Variants in UACA observed in about 807,000 individuals in gnomAD.
UACA encodes the protein nuclear membrane binding protein.
In UACA, 112 loss-of-function variants were observed where a neutral mutation model predicts 160.5. The observed-to-expected ratio is 0.70, with a 90% CI of 0.60 to 0.82. The LOEUF is 0.82. UACA is among the 40% of genes least tolerant of loss of function. The pLI is 0.00. For missense variants in UACA, 1,574 were observed against 1,614.6 expected, an observed-to-expected ratio of 0.97 and a Z score of 0.43; for synonymous variants, 557 against 568.4, an observed-to-expected ratio of 0.98 and a Z score of 0.29.
Position 70,691,369 on chromosome 15 carries a change from A to G in UACA, c.302-6T>C. On this transcript the variant is annotated splice_polypyrimidine_tract_variant and splice_region_variant and intron_variant, in intron 3 of 18. Coordinates refer to ENST00000322954, the MANE Select transcript of UACA (RefSeq NM_018003.4). ...CAGGTGAAGAGCATTTCTCCCTATA[A>G]ATAATTTAAGATACATGTGAAGGAT... 1 of 1,599,908 alleles carries G rather than the reference A, an allele frequency of 6.3e-7. No individual in the cohort carries two copies. The highest frequency in any genetic ancestry group is 8.5e-7 in the Non-Finnish European group (1 of 1,171,002).
At chr15:70,684,196 T>C in intron 8 of UACA, 69 bp downstream of exon 8, 2 of 1,371,790 alleles carry the variant, frequency 1.5e-6, no homozygotes, top group Non-Finnish European at 2.0e-6. Flanking sequence ...GTAGTTCTAC[T>C]ACCTAAGTCT....
upstream of UACA, among the ~76,000 whole-genome samples, chr15:70,765,821 C>A (rs1343929642): frequency 6.6e-6 from 1 of 152,208 alleles, no homozygotes; most frequent in Non-Finnish European, 1.5e-5. Flanking sequence ...CAACTCCTTT[C>A]TCTGGGCTTA....
Position 70,695,071 on chromosome 15 carries a change from A to T in UACA, c.247T>A (p.Cys83Ser). Residue 83 changes from cysteine to serine, a missense_variant, in exon 3 of 19, where the codon TGT becomes AGT. Cys to Ser is a moderately radical substitution (Grantham distance 112). Coordinates refer to ENST00000322954, the MANE Select transcript of UACA (RefSeq NM_018003.4). Reference protein sequence around the residue: ...HVVTSKGNLECLNAILIHGVD... With the variant: ...HVVTSKGNLESLNAILIHGVD... ...CCATGTATAAGGATGGCATTCAAAC[A>T]CTCAAGATTCCCCTTTGAGGTCACA... The T allele has an allele frequency of 1.2e-6, 2 of 1,609,950 alleles. No individual in the cohort carries two copies. Among genetic ancestry groups the T allele is most frequent in the Non-Finnish European group, 1.7e-6 (2 of 1,177,856 alleles).
chr15:70,690,631 G>C, intron 4 of UACA, 120 bp from the exon 5 acceptor site: 1 of 709,304 alleles, frequency 1.4e-6, no homozygotes, highest in Non-Finnish European at 2.4e-6. Flanking sequence ...AGAAGCTAAA[G>C]ACTATCCGAC....
chr15:70,694,948 A>C, intron 3 of UACA, 69 bp downstream of exon 3: 1 of 1,236,088 alleles, frequency 8.1e-7, no homozygotes, highest in South Asian at 1.3e-5. Flanking sequence ...GGTCTGAATA[A>C]AAATGTTAGC....
intron 1 of UACA, among the ~76,000 whole-genome samples, chr15:70,711,309 CATA>C (rs1181440562): frequency 6.6e-6 from 1 of 151,966 alleles, no homozygotes; most frequent in Non-Finnish European, 1.5e-5. Context: ...GTGTATTTTA[CATA>C]ATGTTTATAA....
chr15:70,763,504 G>A lies in UACA; in HGVS notation c.-97C>T, dbSNP rs1331016285. ...AGCGGCTGCAGCAGAGGCGGCGCGG[G>A]CTGTACCAGCCCCACCTGCCTGCCA... On this transcript the variant is annotated 5_prime_UTR_variant, in exon 1 of 19. Coordinates refer to ENST00000322954, the MANE Select transcript of UACA (RefSeq NM_018003.4). 35 of 1,256,114 alleles carry A rather than the reference G, an allele frequency of 2.8e-5. 1 individual carries two copies. In the South Asian group the frequency reaches 9.2e-4, roughly 33 times the overall value. The allele number at this position is 1,256,114 out of a possible 1,614,324, so 77.8% of individuals were successfully genotyped here.
At chr15:70,676,654 GT>G in intron 12 of UACA, 63 bp from the exon 13 acceptor site, 1 of 1,422,374 alleles carries the variant, frequency 7.0e-7, no homozygotes, top group Non-Finnish European at 9.8e-7. Context: ...TTAAAAATGT[GT>G]TTTAGAAAAC....
chr15:70,673,579 G>A (rs1243369607), intron 13 of UACA, among the ~76,000 whole-genome samples: 1 of 152,146 alleles, frequency 6.6e-6, no homozygotes, highest in Non-Finnish European at 1.5e-5. Context: ...GTATTAGGGG[G>A]TGCTATGCAC....
At chr15:70,703,834 C>A (rs1416723375) in intron 1 of UACA, among the ~76,000 whole-genome samples, 3 of 152,084 alleles carry the variant, frequency 2.0e-5, no homozygotes, top group Admixed American at 6.6e-5. Context: ...GAGCCCTACG[C>A]AAATTCCCAC....
Position 70,679,689 on chromosome 15 carries a change from A to G in UACA, c.823-13T>C, listed in dbSNP as rs555713500. The G allele has an allele frequency of 7.7e-6, 12 of 1,562,266 alleles. No homozygotes were observed. Among genetic ancestry groups the G allele is most frequent in the Middle Eastern group, 1.7e-4 (1 of 5,946 alleles). ...GTGTCAAATTTCGCTTTGGTAAAAC[A>G]TAAGAAAACACGGGTCAGCAAGTGT... On this transcript the variant is annotated splice_polypyrimidine_tract_variant and intron_variant, in intron 9 of 18. Transcript: ENST00000322954.
intron 17 of UACA, among the ~76,000 whole-genome samples, chr15:70,664,041 C>T (rs934346204): frequency 2.0e-5 from 3 of 151,960 alleles, no homozygotes; most frequent in African/African-American, 7.2e-5. Context: ...TAAATGTAAA[C>T]AAGTAATCAG....
chr15:70,685,575 G>C (rs1270122236), intron 7 of UACA, among the ~76,000 whole-genome samples: 1 of 152,116 alleles, frequency 6.6e-6, no homozygotes, highest in Non-Finnish European at 1.5e-5. Context: ...AATGAATATA[G>C]AGTATTAGAA....
intron 14 of UACA, chr15:70,671,392 T>C (rs913837184): frequency 9.7e-6 from 2 of 207,232 alleles, no homozygotes; most frequent in African/African-American, 2.3e-5. Flanking sequence ...CTAGGCTACA[T>C]GATAATAAAA....
At chr15:70,765,250 T>C (rs1056303631), upstream of UACA, among the ~76,000 whole-genome samples, 4 of 151,816 alleles carry the variant, frequency 2.6e-5, no homozygotes, top group Non-Finnish European at 5.9e-5. Context: ...CCCCCAAGAG[T>C]GATTGGTAGG....
chr15:70,669,266 T>A lies in UACA; in HGVS notation c.1418A>T (p.Glu473Val). Residue 473 changes from glutamate (E) to valine (V), a missense_variant, in exon 16 of 19, where the codon GAA (glutamate) becomes GTA (valine). Glu to Val is a moderately radical substitution (Grantham distance 121). Transcript: ENST00000322954. ...ACATTCTAATGCTAAAGCTTTGCATTCTGCCACTTTGTGTGCCAGTTCATT... is the reference window on the plus strand; with the variant it reads ...ACATTCTAATGCTAAAGCTTTGCATACTGCCACTTTGTGTGCCAGTTCATT... ...LQNELAHKVA[E>V]CKALALECER... The A allele has an allele frequency of 6.2e-7, 1 of 1,614,094 alleles. No homozygotes were observed. The highest frequency in any genetic ancestry group is 1.1e-5 in the South Asian group (1 of 91,066).
chr15:70,656,250 G>A lies in UACA; in HGVS notation c.*806C>T, dbSNP rs149532510. On this transcript the variant is annotated 3_prime_UTR_variant, in exon 19 of 19. Transcript: ENST00000322954. ...GTGCTTGGTTACTATAGTAGCGAAT[G>A]TCAAACTAATTGCTAAAAAAAGTCT... is the stretch of plus-strand genomic sequence containing the variant. 259 of 152,150 alleles carry A rather than the reference G, an allele frequency of 1.7e-3. 3 individuals are homozygous for A. Among genetic ancestry groups the A allele is most frequent in the African/African-American group, 5.0e-3 (208 of 41,508 alleles). 9.4% of individuals were successfully genotyped at this position (152,150 alleles called of 1,614,324 possible).
rs1314440584 is a variant in UACA at position 70,668,406 on chromosome 15, T to C, written c.2278A>G (p.Ile760Val). ...AGCTTTCTATTAAGATCATCAATAA[T>C]TGCATCATGTGACTTTTTCATGTCT... ...SEDMKKSHDA[I>V]IDDLNRKLLD... is the part of the protein sequence containing the mutation. The change falls in exon 16 of 19, where the codon ATT (isoleucine) becomes GTT (valine). Residue 760 changes from isoleucine (I) to valine (V), a missense_variant. Coordinates refer to ENST00000322954, the MANE Select transcript of UACA (RefSeq NM_018003.4). 3 of 1,610,580 alleles carry C rather than the reference T, an allele frequency of 1.9e-6. No individual in the cohort carries two copies. Among genetic ancestry groups the C allele is most frequent in the Non-Finnish European group, 2.5e-6 (3 of 1,179,386 alleles).
At chr15:70,745,823 CT>C (rs148012353) in intron 1 of UACA, among the ~76,000 whole-genome samples, 98,042 of 151,938 alleles carry the variant, frequency 0.65, 34,630 homozygotes, top group Admixed American at 0.79. Context: ...CTACAACCAT[CT>C]GACCTTTGAC....
Sources: allele counts gnomAD v4.1 joint callset (sites outside exome capture counted in the v4.1 genomes callset), GRCh38; gene constraint gnomAD v4.1.1; transcripts MANE v1.5; gene names NCBI Gene and HGNC (gene_info 2026-07-23, HGNC 2026-07-21).